Variants in RBMS2 observed in about 807,000 individuals in gnomAD.
The protein encoded by RBMS2 is RNA binding motif single stranded interacting protein 2, also known as RNA-binding motif, single-stranded-interacting protein 2.
Under a neutral mutation model 58.4 loss-of-function variants are expected in RBMS2, and 38 were observed. The observed-to-expected ratio is 0.65, with a 90% CI of 0.50 to 0.85. RBMS2 has a LOEUF of 0.85. RBMS2 is among the 40% of genes least tolerant of loss of function. The probability of loss-of-function intolerance (pLI) is 0.00; values close to 1 mark genes in which losing one functional copy is unlikely to be tolerated. For missense variants in RBMS2, 367 were observed against 503.7 expected (o/e 0.73, Z 2.60); for synonymous variants, 151 against 180.7 (o/e 0.84, Z 1.32).
rs553166292 is a variant in RBMS2, at chr12:56,592,258, T to G, written c.*3125T>G. 1 of 152,372 alleles carries G rather than the reference T, an allele frequency of 6.6e-6. No individual in the cohort carries two copies. The highest frequency in any genetic ancestry group is 2.4e-5 in the African/African-American group (1 of 41,586). 9.4% of individuals were successfully genotyped at this position (152,372 alleles called of 1,614,324 possible). A position where few individuals can be genotyped will look rare whatever the true frequency, so the allele number is the denominator to read the frequency against. On this transcript the variant is annotated 3_prime_UTR_variant, in exon 14 of 14. Coordinates refer to ENST00000262031, the MANE Select transcript of RBMS2 (RefSeq NM_002898.4). ...CACCCCCACTCATTACAGATGCTCA[T>G]AACATTCTTAAAATATTTTAGTACT... is the stretch of plus-strand genomic sequence containing the variant.
intron 4 of RBMS2, among the ~76,000 whole-genome samples, chr12:56,571,358 CA>C (rs969350693): frequency 6.6e-6 from 1 of 152,028 alleles, no homozygotes; most frequent in Non-Finnish European, 1.5e-5. Flanking sequence ...ACAAGCCAGC[CA>C]AGGAGCAAGG....
intron 1 of RBMS2, among the ~76,000 whole-genome samples, chr12:56,551,165 A>G (rs1878211103): frequency 6.6e-6 from 1 of 151,976 alleles, no homozygotes; most frequent in Non-Finnish European, 1.5e-5. Flanking sequence ...CTGCTCTAAC[A>G]TCCATCAATT....
chr12:56,546,349 A>T (rs905279261), intron 1 of RBMS2, among the ~76,000 whole-genome samples: 4 of 139,806 alleles, frequency 2.9e-5, no homozygotes, highest in African/African-American at 1.1e-4. Context: ...ATACATTATA[A>T]ATATAATGTA....
chr12:56,578,572 G>A (rs944986680), intron 5 of RBMS2, among the ~76,000 whole-genome samples: 2 of 152,176 alleles, frequency 1.3e-5, no homozygotes, highest in Non-Finnish European at 2.9e-5. Flanking sequence ...AGAGTTTAAT[G>A]CCAGTTCTGT....
chr12:56,552,594 G>A (rs1878466511), intron 1 of RBMS2, among the ~76,000 whole-genome samples: 1 of 152,080 alleles, frequency 6.6e-6, no homozygotes, highest in Non-Finnish European at 1.5e-5. Context: ...TGCAGTGGCT[G>A]ACACTTGTAA....
At chr12:56,522,204 C>T in intron 1 of RBMS2, 115 bp downstream of exon 1, 1 of 800,486 alleles carries the variant, frequency 1.2e-6, no homozygotes, top group Non-Finnish European at 2.0e-6. Context: ...CTCAAGATTC[C>T]TAATTCCTCA....
intron 5 of RBMS2, 49 bp downstream of exon 5, chr12:56,571,904 C>T: frequency 1.4e-6 from 2 of 1,400,344 alleles, no homozygotes; most frequent in South Asian, 1.6e-5. Flanking sequence ...ACAAATGTCA[C>T]TTGGGGGTCA....
chr12:56,523,513 C>A (rs1416277789), intron 1 of RBMS2, among the ~76,000 whole-genome samples: 1 of 152,174 alleles, frequency 6.6e-6, no homozygotes, highest in Admixed American at 6.5e-5. Context: ...GGCATGGTGG[C>A]TTATGCCTGT....
At chr12:56,537,628 C>A (rs1875159031) in intron 1 of RBMS2, among the ~76,000 whole-genome samples, 1 of 152,202 alleles carries the variant, frequency 6.6e-6, no homozygotes, top group Admixed American at 6.6e-5. Flanking sequence ...TGCCTTTTGG[C>A]TGTTGTGAAT....
intron 1 of RBMS2, among the ~76,000 whole-genome samples, chr12:56,522,310 C>T (rs568827286): frequency 3.3e-5 from 5 of 152,150 alleles, no homozygotes; most frequent in African/African-American, 1.2e-4. Flanking sequence ...CCTGAAAAGA[C>T]AGGGGAATTA....
intron 2 of RBMS2, 112 bp downstream of exon 2, chr12:56,562,695 C>T (rs745974162): frequency 1.3e-5 from 16 of 1,218,466 alleles, no homozygotes; most frequent in Non-Finnish European, 1.9e-5. Context: ...TCAAGTGATC[C>T]TCCTGTCTCA....
intron 5 of RBMS2, chr12:56,572,798 G>T: frequency 4.1e-6 from 4 of 985,236 alleles, no homozygotes; most frequent in Non-Finnish European, 4.8e-6. Context: ...AGATCTGTTG[G>T]GAGACCTGTA....
At chr12:56,556,340 A>C (rs924234007) in intron 1 of RBMS2, among the ~76,000 whole-genome samples, 1 of 151,622 alleles carries the variant, frequency 6.6e-6, no homozygotes, top group Non-Finnish European at 1.5e-5. Context: ...TGTCACTGTA[A>C]TCTCCTCTTA....
In RBMS2 at chr12:56,571,806, C is replaced by G; in HGVS notation, c.493C>G (p.Arg165Gly). 6.3e-7 allele frequency: 1 copy of G among 1,596,366 alleles called. No homozygotes were observed. The highest frequency in any genetic ancestry group is 8.5e-7 in the Non-Finnish European group (1 of 1,169,930). ...GCCCTTTGGCCAGGTTATCTCCACCCGTATCCTTCGAGATACCAGTGGGAC... is the reference window on the plus strand; with the variant it reads ...GCCCTTTGGCCAGGTTATCTCCACCGGTATCCTTCGAGATACCAGTGGGAC... ...LKPFGQVIST[R>G]ILRDTSGTSR... Residue 165 changes from arginine to glycine, a missense_variant, in exon 5 of 14, where the codon CGT (arginine) becomes GGT (glycine). This residue lies in a region of RBMS2 where 54 missense variants were observed against 110.4 expected (regional missense o/e 0.49). Transcript: ENST00000262031.
intron 1 of RBMS2, among the ~76,000 whole-genome samples, chr12:56,529,700 TAA>T (rs1339973823): frequency 6.6e-6 from 1 of 152,170 alleles, no homozygotes; most frequent in Non-Finnish European, 1.5e-5. Flanking sequence ...AAGCCAGTCA[TAA>T]GAGACTACAT....
intron 1 of RBMS2, among the ~76,000 whole-genome samples, chr12:56,546,411 TATA>T (rs202013116): frequency 0.011 from 1,598 of 147,454 alleles, 15 homozygotes; most frequent in Non-Finnish European, 0.019. Flanking sequence ...TATTGTACAT[TATA>T]ATGTAAAATA....
chr12:56,566,477 T>G (rs1881364254), intron 2 of RBMS2, among the ~76,000 whole-genome samples: 1 of 152,172 alleles, frequency 6.6e-6, no homozygotes, highest in Non-Finnish European at 1.5e-5. Context: ...GTTTTAGAAG[T>G]TCCACATGAC....
intron 9 of RBMS2, among the ~76,000 whole-genome samples, chr12:56,584,407 G>A (rs943889712): frequency 2.0e-5 from 3 of 148,844 alleles, no homozygotes; most frequent in Non-Finnish European, 4.4e-5. Flanking sequence ...ACTTCATCCT[G>A]TGCAACAGAG....
At chr12:56,532,835 C>T (rs1269884429) in intron 1 of RBMS2, among the ~76,000 whole-genome samples, 6 of 152,128 alleles carry the variant, frequency 3.9e-5, no homozygotes, top group Non-Finnish European at 7.4e-5. Flanking sequence ...CTGTAAATTA[C>T]GTACACATGA....
Sources: gnomAD v4.1 joint callset for allele counts (sites outside exome capture counted in the v4.1 genomes callset) on GRCh38, gnomAD v4.1.1 for gene constraint, gnomAD v4.1.1 regional missense constraint, MANE v1.5 for transcripts, NCBI Gene and HGNC (gene_info 2026-07-23, HGNC 2026-07-21) for gene names.